GPR176: variants seen among roughly 807,000 people sequenced by gnomAD.
GPR176 encodes the protein G protein-coupled receptor 176.
A neutral mutation model predicts 35.4 loss-of-function variants in GPR176; 26 were observed. That is an observed-to-expected ratio of 0.74 (90% CI 0.54 to 1.02). The LOEUF is 1.02. Ranked by LOEUF, GPR176 falls within the 50% of genes least tolerant of loss-of-function variation. The pLI is 0.00. For missense variants in GPR176, 597 were observed against 665.3 expected (o/e 0.90, Z 1.13); for synonymous variants, 278 against 271.3 (o/e 1.02, Z -0.24).
At chr15:39,823,394 C>T (rs930150826) in intron 1 of GPR176, among the ~76,000 whole-genome samples, 4 of 152,178 alleles carry the variant, frequency 2.6e-5, no homozygotes, top group African/African-American at 9.7e-5. Flanking sequence ...CTCCATCCCC[C>T]TGGTTGCTCA....
intron 1 of GPR176, among the ~76,000 whole-genome samples, chr15:39,815,594 C>A (rs150572006): frequency 6.6e-6 from 1 of 152,186 alleles, no homozygotes; most frequent in Non-Finnish European, 1.5e-5. Flanking sequence ...AACCTTGACT[C>A]AAAGCAAACA....
At chr15:39,895,127 G>A (rs1401795428) in intron 1 of GPR176, among the ~76,000 whole-genome samples, 2 of 152,214 alleles carry the variant, frequency 1.3e-5, no homozygotes, top group African/African-American at 2.4e-5. Context: ...GGCTGAGTCA[G>A]GAGAATCAGG....
chr15:39,917,988 T>C (rs895542585), intron 1 of GPR176, among the ~76,000 whole-genome samples: 5 of 141,998 alleles, frequency 3.5e-5, no homozygotes, highest in African/African-American at 1.3e-4. Context: ...GAGGTTGCAG[T>C]GAGCGGAGAT....
intron 1 of GPR176, among the ~76,000 whole-genome samples, chr15:39,869,893 T>A (rs562830157): frequency 1.3e-5 from 2 of 152,212 alleles, no homozygotes; most frequent in Admixed American, 1.3e-4. Context: ...GTAAACACAG[T>A]TATTAAAGGG....
intron 1 of GPR176, among the ~76,000 whole-genome samples, chr15:39,881,824 C>T (rs1051433159): frequency 1.3e-5 from 2 of 152,158 alleles, no homozygotes; most frequent in Admixed American, 6.5e-5. Context: ...GAATCTCACT[C>T]TAGTACAAGT....
At chr15:39,833,828 T>C (rs1298242150) in intron 1 of GPR176, among the ~76,000 whole-genome samples, 1 of 152,162 alleles carries the variant, frequency 6.6e-6, no homozygotes, top group Non-Finnish European at 1.5e-5. Context: ...AGTCAAAGAA[T>C]AAAGACAGCT....
chr15:39,872,911 CTGTGTGTGTGTGTGTGTGTGTGTGTG>C (rs6145533), intron 1 of GPR176, among the ~76,000 whole-genome samples: 2,473 of 141,488 alleles, frequency 0.017, 83 homozygotes, highest in African/African-American at 0.055. Flanking sequence ...TCCAAAATAT[CTGTGTGTGTGTGTGTGTGTGTGTGTG>C]TGTGTGTGTG....
chr15:39,897,906 T>C (rs192320719), intron 1 of GPR176, among the ~76,000 whole-genome samples: 2 of 152,200 alleles, frequency 1.3e-5, no homozygotes, highest in Non-Finnish European at 2.9e-5. Flanking sequence ...TTCCCTATTA[T>C]TGTTGAGAAA....
Position 39,865,093 on chromosome 15 carries a change from C to T in GPR176, c.172+54762G>A, listed in dbSNP as rs1012985392. On this transcript the variant is annotated intron_variant, in intron 1 of 2. Coordinates refer to ENST00000561100, the MANE Select transcript of GPR176 (RefSeq NM_007223.3). ...ATAGAGAAAAGGAAACTCTTATACA[C>T]TATTGATGGGAATTTAAATGAGTAT... is the stretch of plus-strand genomic sequence containing the variant. Among the ~76,000 whole-genome samples the T allele has an allele frequency of 4.6e-5, 7 of 152,152 alleles. No homozygotes were observed. The South Asian group carries it at 1.2e-3, about 27-fold the overall frequency.
intron 1 of GPR176, chr15:39,862,318 G>T (rs539688278): frequency 2.1e-4 from 32 of 152,314 alleles, no homozygotes; most frequent in African/African-American, 7.2e-4. Flanking sequence ...TTTTAAACAT[G>T]ATATCCTACC....
At chr15:39,832,056 G>T (rs1247900671) in intron 1 of GPR176, among the ~76,000 whole-genome samples, 1 of 151,374 alleles carries the variant, frequency 6.6e-6, no homozygotes, top group Non-Finnish European at 1.5e-5. Flanking sequence ...AGGGGGCAAA[G>T]GATCTGAACA....
chr15:39,847,392 TATA>T (rs1284999495), intron 1 of GPR176, among the ~76,000 whole-genome samples: 1 of 152,052 alleles, frequency 6.6e-6, no homozygotes, highest in East Asian at 1.9e-4. Context: ...TCACTTCAAA[TATA>T]ATGTTATATA....
At chr15:39,834,114 T>C (rs548506882) in intron 1 of GPR176, among the ~76,000 whole-genome samples, 2 of 152,316 alleles carry the variant, frequency 1.3e-5, no homozygotes, top group Non-Finnish European at 2.9e-5. Context: ...AGTTTATTCA[T>C]TTTGCTAAGA....
chr15:39,844,591 GA>G (rs953744089), intron 1 of GPR176, among the ~76,000 whole-genome samples: 61 of 143,900 alleles, frequency 4.2e-4, no homozygotes, highest in Middle Eastern at 7.0e-3. Flanking sequence ...ACCGCCTACT[GA>G]AAAAAAAAAA....
Position 39,802,108 on chromosome 15 carries a change from G to T in GPR176, c.572C>A (p.Thr191Asn), listed in dbSNP as rs1245177195. Residue 191 changes from threonine (T) to asparagine (N), a missense_variant, in exon 3 of 3, where the codon ACC becomes AAC. Thr to Asn is a moderately conservative substitution (Grantham distance 65, BLOSUM62 0). This residue lies in a region of GPR176 where 220 missense variants were observed against 297.6 expected (regional missense o/e 0.74). Coordinates refer to ENST00000561100, the MANE Select transcript of GPR176 (RefSeq NM_007223.3). ...TNVADIYATS[T>N]CTEVWSNSLG... ...GGAGTTGCTCCAGACTTCCGTGCAG[G>T]TGGACGTGGCATAGATGTCAGCCAC... The T allele has an allele frequency of 6.2e-7, 1 of 1,614,166 alleles. No individual in the cohort carries two copies. Among genetic ancestry groups the T allele is most frequent in the Non-Finnish European group, 8.5e-7 (1 of 1,180,040 alleles).
At chr15:39,888,664 A>AT (rs899370475) in intron 1 of GPR176, among the ~76,000 whole-genome samples, 5 of 151,926 alleles carry the variant, frequency 3.3e-5, no homozygotes, top group African/African-American at 1.2e-4. Flanking sequence ...TAAAGAGAAC[A>AT]TTTTTTTTCT....
intron 1 of GPR176, among the ~76,000 whole-genome samples, chr15:39,888,013 T>A (rs144621439): frequency 2.5e-3 from 375 of 152,266 alleles, no homozygotes; most frequent in African/African-American, 8.7e-3. Context: ...TAACTTAGCT[T>A]TATCTACCAG....
intron 1 of GPR176, among the ~76,000 whole-genome samples, chr15:39,822,480 T>G (rs1900339820): frequency 6.6e-6 from 1 of 152,206 alleles, no homozygotes; most frequent in African/African-American, 2.4e-5. Context: ...TTTGTGAGCT[T>G]TATTTTGCTG....
In GPR176 at chr15:39,868,226, T is replaced by C. The variant is rs554598855; in HGVS notation, c.172+51629A>G. On this transcript the variant is annotated intron_variant, in intron 1 of 2. Transcript: ENST00000561100. ...GGGATCACGAACAGCCACCCACAAA[T>C]GGGTTTCTCCAGGCTCTTGGAGTCC... 7.2e-5 allele frequency among the ~76,000 whole-genome samples: 11 copies of C among 152,270 alleles called. No individual in the cohort carries two copies. The South Asian group carries it at 1.7e-3, about 23-fold the overall frequency.
Sources: gnomAD v4.1 joint callset for allele counts (sites outside exome capture counted in the v4.1 genomes callset) on GRCh38, gnomAD v4.1.1 for gene constraint, gnomAD v4.1.1 regional missense constraint, MANE v1.5 for transcripts, NCBI Gene and HGNC (gene_info 2026-07-23, HGNC 2026-07-21) for gene names.